Variants in PCDHGA2 observed in about 807,000 individuals in gnomAD.
PCDHGA2 encodes protocadherin gamma subfamily A, 2.
In PCDHGA2, 40 loss-of-function variants were observed where a neutral mutation model predicts 59.2. That is an observed-to-expected ratio of 0.68 (90% CI 0.52 to 0.88). PCDHGA2 has a LOEUF of 0.88. Among genes scored for constraint, PCDHGA2 ranks in the 40% least tolerant of loss-of-function variants. The pLI, the probability that PCDHGA2 is intolerant of heterozygous loss-of-function variation, is 0.00. For synonymous variants in PCDHGA2, 560 were observed against 526.0 expected (o/e 1.06, Z -0.89); for missense variants, 1,226 against 1,204.0 (o/e 1.02, Z -0.27).
intron 1 of PCDHGA2, chr5:141,385,485 A>T: frequency 2.8e-6 from 4 of 1,418,146 alleles, no homozygotes; most frequent in Non-Finnish European, 3.7e-6. Flanking sequence ...AATATAGAAC[A>T]CATAGGATAT....
intron 1 of PCDHGA2, chr5:141,390,038 C>T: frequency 1.9e-6 from 3 of 1,614,060 alleles, no homozygotes; most frequent in Non-Finnish European, 2.5e-6. Flanking sequence ...GCTCCTCCAG[C>T]CCCGCCTCCT....
chr5:141,485,229 T>G lies in PCDHGA2; in HGVS notation c.2425-9578T>G, dbSNP rs2099609870. ...ATCTGGCGGTGGGCTACCCTTTTGT[T>G]CCTCTTTTACCACCTGGGTTACGTT... is the stretch of plus-strand genomic sequence containing the variant. On this transcript the variant is annotated intron_variant, in intron 1 of 3. Coordinates refer to ENST00000394576, the MANE Select transcript of PCDHGA2 (RefSeq NM_018915.4). The surrounding 1 kb of genome is among the most constrained non-coding windows in gnomAD (Gnocchi z 5.7). 6.2e-7 allele frequency: 1 copy of G among 1,614,042 alleles called. No individual in the cohort carries two copies. The highest frequency in any genetic ancestry group is 8.5e-7 in the Non-Finnish European group (1 of 1,180,030).
rs762314174 is a variant in PCDHGA2, at chr5:141,404,905, GCC to G, written c.2424+63514_2424+63515del. The G allele has an allele frequency of 1.9e-6, 3 of 1,613,910 alleles. No homozygotes were observed. In the South Asian group the frequency reaches 3.3e-5, roughly 18 times the overall value. On this transcript the variant is annotated intron_variant, in intron 1 of 3. Coordinates refer to ENST00000394576, the MANE Select transcript of PCDHGA2 (RefSeq NM_018915.4). ...TGGTGGCTGTACAGGACCATGGCCA[GCC>G]CCCTCTCTCGGCCACTGTCACGCTC...
At chr5:141,360,412 G>A in intron 1 of PCDHGA2, 1 of 1,613,978 alleles carries the variant, frequency 6.2e-7, no homozygotes, top group Non-Finnish European at 8.5e-7. Flanking sequence ...AATAGACCGA[G>A]AACAGATATG....
chr5:141,371,859 T>A (rs1314195914), intron 1 of PCDHGA2: 1 of 1,613,576 alleles, frequency 6.2e-7, no homozygotes, highest in Non-Finnish European at 8.5e-7. Context: ...CCTTGTCTCC[T>A]ACTACATCGT....
At chr5:141,356,575 G>A in intron 1 of PCDHGA2, 1 of 1,614,084 alleles carries the variant, frequency 6.2e-7, no homozygotes, top group Non-Finnish European at 8.5e-7. Flanking sequence ...TTCCTACTCT[G>A]CTTACATTCC....
rs1001912556 is a variant in PCDHGA2, at chr5:141,493,404, CTCTGCTGGGATTTTGCT to C, written c.2425-1391_2425-1375del. Among the ~76,000 whole-genome samples, 10 of 152,266 alleles carry C rather than the reference CTCTGCTGGGATTTTGCT, an allele frequency of 6.6e-5. No individual in the cohort carries two copies. Among genetic ancestry groups the C allele is most frequent in the Admixed American group, 6.5e-4 (10 of 15,298 alleles). On this transcript the variant is annotated intron_variant, in intron 1 of 3. Coordinates refer to ENST00000394576, the MANE Select transcript of PCDHGA2 (RefSeq NM_018915.4). The surrounding 1 kb of genome is among the most constrained non-coding windows in gnomAD (Gnocchi z 4.3). ...CTTGAGGACAGGAGAGGGGAGTTGCCTCTGCTGGGATTTTGCTTCTGCTGGGATGGGGCAAGGGTGGG... is the reference window on the plus strand; with the variant it reads ...CTTGAGGACAGGAGAGGGGAGTTGCCTCTGCTGGGATGGGGCAAGGGTGGG...
At chr5:141,387,300 T>C (rs1171181488) in intron 1 of PCDHGA2, among the ~76,000 whole-genome samples, 1 of 152,224 alleles carries the variant, frequency 6.6e-6, no homozygotes, top group Non-Finnish European at 1.5e-5. Context: ...ATGTATCCAG[T>C]ATATTTCTAA....
At chr5:141,444,918 C>T (rs1197922745) in intron 1 of PCDHGA2, among the ~76,000 whole-genome samples, 1 of 152,106 alleles carries the variant, frequency 6.6e-6, no homozygotes, top group Non-Finnish European at 1.5e-5. Flanking sequence ...ATACCTTTAT[C>T]AGGGAAAGAG....
intron 1 of PCDHGA2, among the ~76,000 whole-genome samples, chr5:141,353,186 C>A (rs1033300245): frequency 6.6e-6 from 1 of 151,994 alleles, no homozygotes; most frequent in African/African-American, 2.4e-5. Flanking sequence ...GTATGGTTGG[C>A]AAATCTTGCT....
rs1562144438 is a variant in PCDHGA2, at chr5:141,491,135, G to A, written c.2425-3672G>A. On this transcript the variant is annotated intron_variant, in intron 1 of 3. Transcript: ENST00000394576. The surrounding 1 kb of genome is among the most constrained non-coding windows in gnomAD (Gnocchi z 6.9). Reference sequence around the variant, plus strand: ...CACACTGGTGAGGTGCGCACAGCCCGGGCCTTACTGGAGGATGACTCTGAC... The same window carrying A: ...CACACTGGTGAGGTGCGCACAGCCCAGGCCTTACTGGAGGATGACTCTGAC... 4 of 1,614,104 alleles carry A rather than the reference G, an allele frequency of 2.5e-6. No homozygotes were observed. The highest frequency in any genetic ancestry group is 1.3e-5 in the African/African-American group (1 of 75,034).
At chr5:141,413,215 T>C in intron 1 of PCDHGA2, 1 of 1,613,350 alleles carries the variant, frequency 6.2e-7, no homozygotes, top group Non-Finnish European at 8.5e-7. Context: ...ATCAAAGGAT[T>C]GCAGCGGGCT....
intron 1 of PCDHGA2, among the ~76,000 whole-genome samples, chr5:141,481,761 G>A (rs984825493): frequency 2.6e-5 from 4 of 152,234 alleles, no homozygotes; most frequent in Non-Finnish European, 2.9e-5. Context: ...AGACCAGCCT[G>A]GCCAACATGG....
intron 1 of PCDHGA2, chr5:141,392,672 T>C (rs1375291090): frequency 4.5e-6 from 4 of 880,364 alleles, no homozygotes; most frequent in Non-Finnish European, 6.7e-6. Flanking sequence ...AACTAACTGC[T>C]GGACTGCAGC....
chr5:141,422,616 C>T, intron 1 of PCDHGA2: 1 of 1,613,714 alleles, frequency 6.2e-7, no homozygotes. Flanking sequence ...CCTACATTCC[C>T]GAAAACAACC....
At position 141,362,803 on chromosome 5, in the gene PCDHGA2, A is replaced by G. The variant is rs148727944; in HGVS notation, c.2424+21408A>G. On this transcript the variant is annotated intron_variant, in intron 1 of 3. Transcript: ENST00000394576. ...ATTTCTTTTTCTTCCTCATCTTTACATTACTTCTCTCTGCAGATTTGTTGC... is the reference window on the plus strand; with the variant it reads ...ATTTCTTTTTCTTCCTCATCTTTACGTTACTTCTCTCTGCAGATTTGTTGC... 1.0e-3 allele frequency among the ~76,000 whole-genome samples: 152 copies of G among 152,282 alleles called. 1 individual carries two copies. The highest frequency in any genetic ancestry group is 3.3e-3 in the African/African-American group (137 of 41,538).
At chr5:141,471,860 A>G (rs1470502617) in intron 1 of PCDHGA2, among the ~76,000 whole-genome samples, 1 of 152,202 alleles carries the variant, frequency 6.6e-6, no homozygotes, top group Non-Finnish European at 1.5e-5. Flanking sequence ...AAAAAGCAAA[A>G]CTGTGGTTGC....
intron 1 of PCDHGA2, chr5:141,400,262 G>A: frequency 6.2e-7 from 1 of 1,614,032 alleles, no homozygotes; most frequent in Non-Finnish European, 8.5e-7. Flanking sequence ...TTGCGCCTGC[G>A]ACGCTCCTCC....
chr5:141,366,178 C>T (rs778986920), intron 1 of PCDHGA2: 3 of 1,614,044 alleles, frequency 1.9e-6, no homozygotes, highest in East Asian at 2.2e-5. Context: ...AGCCAGGACT[C>T]TTTGCGGTTG....
Sources: gnomAD v4.1 joint callset for allele counts (sites outside exome capture counted in the v4.1 genomes callset) on GRCh38, gnomAD v4.1.1 for gene constraint, Gnocchi (gnomAD v3.1) non-coding constraint, MANE v1.5 for transcripts, NCBI Gene and HGNC (gene_info 2026-07-23, HGNC 2026-07-21) for gene names.